Variants in TSHZ2 observed in about 807,000 individuals in gnomAD.
The protein encoded by TSHZ2 is teashirt zinc finger homeobox 2, also known as teashirt homolog 2.
A neutral mutation model predicts 74.4 loss-of-function variants in TSHZ2; 21 were observed. The ratio of observed to expected loss-of-function variants is 0.28; its 90% CI spans 0.20 to 0.41. The LOEUF is 0.41. Ranked by LOEUF, TSHZ2 falls within the 10% of genes least tolerant of loss-of-function variation. The probability of loss-of-function intolerance (pLI) is 1.00; values close to 1 mark genes in which losing one functional copy is unlikely to be tolerated. For missense variants in TSHZ2, 1,244 were observed against 1,293.5 expected, an observed-to-expected ratio of 0.96 and a Z score of 0.59; for synonymous variants, 540 against 515.3, an observed-to-expected ratio of 1.05 and a Z score of -0.65.
At chr20:53,321,935 A>G (rs1055091853) in intron 2 of TSHZ2, among the ~76,000 whole-genome samples, 1 of 152,054 alleles carries the variant, frequency 6.6e-6, no homozygotes, top group Non-Finnish European at 1.5e-5. Context: ...GTGCCACAAG[A>G]GGGCCGCCAT....
chr20:53,012,156 A>G (rs886680772), intron 1 of TSHZ2, among the ~76,000 whole-genome samples: 3 of 152,180 alleles, frequency 2.0e-5, no homozygotes, highest in African/African-American at 7.2e-5. Context: ...AAACAGCCCT[A>G]TTGTGAATCA....
At chr20:53,270,449 C>A (rs1341488637) in intron 2 of TSHZ2, among the ~76,000 whole-genome samples, 3 of 152,078 alleles carry the variant, frequency 2.0e-5, no homozygotes. Context: ...AAGAAACCAG[C>A]CCTCAGAGAT....
chr20:53,073,758 TA>T lies in TSHZ2; in HGVS notation c.40+100436del, dbSNP rs796957656. 2.5e-3 allele frequency among the ~76,000 whole-genome samples: 361 copies of T among 147,214 alleles called. 2 individuals are homozygous for T. The highest frequency in any genetic ancestry group is 0.017 in the East Asian group (86 of 5,108). On this transcript the variant is annotated intron_variant, in intron 1 of 2. Transcript: ENST00000371497. ...TTTTATTAACTCCATTCCGTCAAGT[TA>T]AAAAAAAAAACTGGTCTATTTTCAG...
intron 1 of TSHZ2, among the ~76,000 whole-genome samples, chr20:53,002,340 T>G (rs1600639842): frequency 6.6e-6 from 1 of 152,184 alleles, no homozygotes; most frequent in East Asian, 1.9e-4. Flanking sequence ...CTGAGTAAAT[T>G]TCATACTTTG....
At chr20:53,331,341 C>T (rs1979713225) in intron 2 of TSHZ2, among the ~76,000 whole-genome samples, 1 of 152,170 alleles carries the variant, frequency 6.6e-6, no homozygotes, top group African/African-American at 2.4e-5. Flanking sequence ...CTCTCCTGGA[C>T]ACCAGAGGGT....
chr20:52,979,194 T>C lies in TSHZ2; in HGVS notation c.40+5861T>C, dbSNP rs1351034206. On this transcript the variant is annotated intron_variant, in intron 1 of 2. Coordinates refer to ENST00000371497, the MANE Select transcript of TSHZ2 (RefSeq NM_173485.6). ...CTGGATTTATAATTTCTTTTTTTTT[T>C]CCTCCTACTGACCTTTCATTCACTT... 2.0e-5 allele frequency among the ~76,000 whole-genome samples: 3 copies of C among 152,270 alleles called. No individual in the cohort carries two copies. In the South Asian group the frequency reaches 6.2e-4, roughly 32 times the overall value.
At chr20:53,275,881 CGCACCATT>C (rs1484192669) in intron 2 of TSHZ2, among the ~76,000 whole-genome samples, 1 of 152,174 alleles carries the variant, frequency 6.6e-6, no homozygotes, top group Non-Finnish European at 1.5e-5. Context: ...GAGCCGAGAT[CGCACCATT>C]GCACTGCAGC....
At chr20:53,184,618 G>T (rs1036535036) in intron 1 of TSHZ2, among the ~76,000 whole-genome samples, 2 of 152,086 alleles carry the variant, frequency 1.3e-5, no homozygotes. Flanking sequence ...TTAAACACAA[G>T]ACTGTAATAG....
chr20:53,008,270 G>A lies in TSHZ2; in HGVS notation c.40+34937G>A, dbSNP rs79586431. The stretch of plus-strand genomic sequence containing the variant: ...GCATTTCAGAAATATGGTTAATTGG[G>A]TAATTGGGGATTGGGTGTCACTTGA... On this transcript the variant is annotated intron_variant, in intron 1 of 2. Transcript: ENST00000371497. Among the ~76,000 whole-genome samples the A allele has an allele frequency of 7.6e-3, 1,153 of 152,280 alleles. 7 individuals carry two copies. Among genetic ancestry groups the A allele is most frequent in the Non-Finnish European group, 0.011 (749 of 68,024 alleles).
chr20:53,100,593 C>T (rs1023069775), intron 1 of TSHZ2, among the ~76,000 whole-genome samples: 1 of 152,158 alleles, frequency 6.6e-6, no homozygotes, highest in Non-Finnish European at 1.5e-5. Context: ...CTGTCAGTTT[C>T]TCTGACAGCT....
At chr20:53,345,933 G>T (rs576402006) in intron 2 of TSHZ2, among the ~76,000 whole-genome samples, 2 of 152,120 alleles carry the variant, frequency 1.3e-5, no homozygotes, top group African/African-American at 2.4e-5. Context: ...AGAGCATGCC[G>T]GTCACTCAAG....
intron 1 of TSHZ2, among the ~76,000 whole-genome samples, chr20:53,247,416 T>C (rs1990233275): frequency 6.6e-6 from 1 of 152,166 alleles, no homozygotes; most frequent in African/African-American, 2.4e-5. Flanking sequence ...TCCCTCCACA[T>C]GGCCCTCCAA....
chr20:53,370,303 C>T (rs1439773582), intron 2 of TSHZ2, among the ~76,000 whole-genome samples: 2 of 152,176 alleles, frequency 1.3e-5, no homozygotes, highest in African/African-American at 2.4e-5. Flanking sequence ...ACCTGGGGAG[C>T]TGCTCTGGGC....
At chr20:53,150,503 C>T (rs2051753334) in intron 1 of TSHZ2, among the ~76,000 whole-genome samples, 1 of 152,066 alleles carries the variant, frequency 6.6e-6, no homozygotes, top group African/African-American at 2.4e-5. Flanking sequence ...ACATAAGTAC[C>T]TGCACATATC....
chr20:53,095,061 A>G (rs1486860082), intron 1 of TSHZ2, among the ~76,000 whole-genome samples: 2 of 152,200 alleles, frequency 1.3e-5, no homozygotes, highest in East Asian at 3.8e-4. Context: ...CCAACGCAAA[A>G]TGGCTCAGAC....
intron 1 of TSHZ2, among the ~76,000 whole-genome samples, chr20:53,065,903 G>A (rs1284164241): frequency 6.6e-6 from 1 of 152,156 alleles, no homozygotes; most frequent in Non-Finnish European, 1.5e-5. Context: ...CTGAGATTGT[G>A]CCTAAGTTCC....
chr20:53,216,775 AT>A (rs1989444418), intron 1 of TSHZ2, among the ~76,000 whole-genome samples: 1 of 152,122 alleles, frequency 6.6e-6, no homozygotes, highest in African/African-American at 2.4e-5. Flanking sequence ...CCCCTTAATC[AT>A]GTGGGTTGTT....
intron 1 of TSHZ2, among the ~76,000 whole-genome samples, chr20:52,987,479 T>G (rs997314340): frequency 6.6e-6 from 1 of 151,096 alleles, no homozygotes; most frequent in African/African-American, 2.4e-5. Context: ...TCTTTCTCTC[T>G]CCTCTCTCTC....
chr20:53,441,225 ATTT>A (rs1357488158), intron 2 of TSHZ2, among the ~76,000 whole-genome samples: 3 of 29,942 alleles, frequency 1.0e-4, no homozygotes, highest in Admixed American at 5.9e-4. Context: ...TTATTTGTTT[ATTT>A]TATTTTATTT....
Sources: gnomAD v4.1 joint callset for allele counts (sites outside exome capture counted in the v4.1 genomes callset) on GRCh38, gnomAD v4.1.1 for gene constraint, MANE v1.5 for transcripts, NCBI Gene and HGNC (gene_info 2026-07-23, HGNC 2026-07-21) for gene names.